Variants in HFM1 observed in about 807,000 individuals in gnomAD.
The protein encoded by HFM1 is probable ATP-dependent DNA helicase HFM1.
A neutral mutation model predicts 192.1 loss-of-function variants in HFM1; 169 were observed. That is an observed-to-expected ratio of 0.88 (90% CI 0.78 to 1.00). The LOEUF (loss-of-function observed/expected upper bound fraction) is 1.00, where lower values mean the gene tolerates loss of function less well. Ranked by LOEUF, HFM1 falls within the 50% of genes least tolerant of loss-of-function variation. The pLI, the probability that HFM1 is intolerant of heterozygous loss-of-function variation, is 0.00. For missense variants in HFM1, 1,661 were observed against 1,668.0 expected, an observed-to-expected ratio of 1.00 and a Z score of 0.07; for synonymous variants, 525 against 537.8, an observed-to-expected ratio of 0.98 and a Z score of 0.33.
intron 30 of HFM1, among the ~76,000 whole-genome samples, chr1:91,298,208 T>C (rs1392770677): frequency 2.0e-5 from 3 of 151,924 alleles, no homozygotes; most frequent in Non-Finnish European, 4.4e-5. Flanking sequence ...ATCAAATTCA[T>C]GAAATGAAGC....
intron 13 of HFM1, among the ~76,000 whole-genome samples, chr1:91,363,138 C>T (rs779683572): frequency 5.3e-5 from 8 of 152,080 alleles, no homozygotes; most frequent in Non-Finnish European, 1.0e-4. Flanking sequence ...ATGAAGAAAA[C>T]ACCAAAAGCA....
chr1:91,380,599 G>T (rs1178255714), intron 7 of HFM1, among the ~76,000 whole-genome samples: 1 of 152,032 alleles, frequency 6.6e-6, no homozygotes, highest in East Asian at 1.9e-4. Context: ...ACTACAAATA[G>T]AAAACTTAGC....
intron 20 of HFM1, among the ~76,000 whole-genome samples, chr1:91,325,156 C>G (rs1652700951): frequency 6.6e-6 from 1 of 152,202 alleles, no homozygotes. Context: ...GCAGCATTCA[C>G]TATAAGCTGA....
chr1:91,296,331 A>T (rs1424050007), intron 30 of HFM1, among the ~76,000 whole-genome samples: 3 of 152,184 alleles, frequency 2.0e-5, no homozygotes, highest in Non-Finnish European at 1.5e-5. Context: ...CAATGACTGT[A>T]TTATTTGTAG....
chr1:91,299,403 G>A (rs1018958859), intron 30 of HFM1, among the ~76,000 whole-genome samples: 2 of 152,120 alleles, frequency 1.3e-5, no homozygotes, highest in African/African-American at 4.8e-5. Flanking sequence ...AGGATATCCA[G>A]GAACTGAACT....
intron 13 of HFM1, among the ~76,000 whole-genome samples, chr1:91,365,892 A>C (rs1330049822): frequency 6.6e-6 from 1 of 151,710 alleles, no homozygotes; most frequent in African/African-American, 2.4e-5. Context: ...GTTAAGTAAT[A>C]TGTCCAATAG....
chr1:91,351,618 A>AT lies in HFM1; in HGVS notation c.2002dup (p.Ile668AsnfsTer18). ...GTCCCTTGTGCTTAATCGAGTCATG[A>AT]TAACTGCAGTAGCTGTAGTGTCAAA... On this transcript the variant is annotated frameshift_variant, in exon 17 of 39. Transcript: ENST00000370425. LOFTEE classifies it high-confidence loss of function. 1 of 1,600,380 alleles carries AT rather than the reference A, an allele frequency of 6.2e-7. No homozygotes were observed. Among genetic ancestry groups the AT allele is most frequent in the Non-Finnish European group, 8.5e-7 (1 of 1,171,394 alleles).
chr1:91,346,582 T>A (rs1226701571), intron 19 of HFM1, among the ~76,000 whole-genome samples: 1 of 152,254 alleles, frequency 6.6e-6, no homozygotes, highest in African/African-American at 2.4e-5. Flanking sequence ...ATTGGCTAAA[T>A]ATTTTTAGAG....
intron 20 of HFM1, among the ~76,000 whole-genome samples, chr1:91,327,745 A>C (rs1402160301): frequency 1.3e-5 from 2 of 152,250 alleles, no homozygotes; most frequent in African/African-American, 4.8e-5. Flanking sequence ...ACAGGTCTTA[A>C]AACAGTTTTA....
chr1:91,315,737 TA>T (rs1415395145), intron 28 of HFM1, 77 bp downstream of exon 28: 7 of 1,038,560 alleles, frequency 6.7e-6, no homozygotes, highest in African/African-American at 6.4e-5. Flanking sequence ...ATGATCTTGT[TA>T]TTTTTTTTTC....
Position 91,385,646 on chromosome 1 carries a change from G to A in HFM1, c.683C>T (p.Ala228Val), listed in dbSNP as rs771602063. ...NVFTANNAFSASEIGEGMFKA... is the reference protein window; with the variant it reads ...NVFTANNAFSVSEIGEGMFKA... Reference sequence around the variant, plus strand: ...GAACATGCCTTCTCCGATTTCAGAAGCAGAAAAAGCATTATTTGCTGTAAA... The same window carrying A: ...GAACATGCCTTCTCCGATTTCAGAAACAGAAAAAGCATTATTTGCTGTAAA... Residue 228 changes from alanine (A) to valine (V), a missense_variant, in exon 5 of 39, where the codon GCT becomes GTT. Physicochemically the swap from Ala to Val is moderately conservative, Grantham distance 64. Coordinates refer to ENST00000370425, the MANE Select transcript of HFM1 (RefSeq NM_001017975.6). 1 of 1,612,214 alleles carries A rather than the reference G, an allele frequency of 6.2e-7. No homozygotes were observed. Among genetic ancestry groups the A allele is most frequent in the Admixed American group, 1.7e-5 (1 of 59,998 alleles).
intron 13 of HFM1, among the ~76,000 whole-genome samples, chr1:91,362,142 G>T (rs1658597465): frequency 6.6e-6 from 1 of 152,122 alleles, no homozygotes; most frequent in East Asian, 1.9e-4. Flanking sequence ...ACAAGAAAAG[G>T]ATCCCTTCTC....
chr1:91,399,131 G>T (rs1461782392), intron 2 of HFM1, among the ~76,000 whole-genome samples: 1 of 152,108 alleles, frequency 6.6e-6, no homozygotes, highest in Non-Finnish European at 1.5e-5. Flanking sequence ...CTATGTGCCA[G>T]GTATTGTTCT....
intron 18 of HFM1, among the ~76,000 whole-genome samples, chr1:91,348,623 C>CA (rs558107982): frequency 9.7e-4 from 147 of 151,672 alleles, no homozygotes; most frequent in African/African-American, 3.5e-3. Context: ...TTAGCTATTA[C>CA]AAAAAAAAGC....
At chr1:91,302,019 C>T (rs1386368169) in intron 30 of HFM1, among the ~76,000 whole-genome samples, 6 of 102,086 alleles carry the variant, frequency 5.9e-5, no homozygotes, top group Non-Finnish European at 1.2e-4. Context: ...AAAATTTTTG[C>T]AATCTACTCA....
At chr1:91,369,714 A>G (rs552128066) in intron 13 of HFM1, among the ~76,000 whole-genome samples, 3 of 152,294 alleles carry the variant, frequency 2.0e-5, no homozygotes, top group African/African-American at 7.2e-5. Flanking sequence ...TTCAAAAGCT[A>G]GCAGAAGGCA....
At chr1:91,300,236 A>G (rs950982886) in intron 30 of HFM1, among the ~76,000 whole-genome samples, 1 of 152,236 alleles carries the variant, frequency 6.6e-6, no homozygotes, top group African/African-American at 2.4e-5. Flanking sequence ...TAAACCAGGA[A>G]GAAGCTGAAT....
chr1:91,355,138 G>A (rs1657543547), intron 13 of HFM1, among the ~76,000 whole-genome samples: 1 of 152,118 alleles, frequency 6.6e-6, no homozygotes, highest in Non-Finnish European at 1.5e-5. Flanking sequence ...CTGAAGTTCA[G>A]TTTAAAATAG....
intron 13 of HFM1, among the ~76,000 whole-genome samples, chr1:91,361,479 C>T (rs931062504): frequency 6.6e-6 from 1 of 152,056 alleles, no homozygotes; most frequent in Non-Finnish European, 1.5e-5. Flanking sequence ...CCTGGACACA[C>T]ACTCTCTTCC....
Sources: allele counts gnomAD v4.1 joint callset (sites outside exome capture counted in the v4.1 genomes callset), GRCh38; gene constraint gnomAD v4.1.1; transcripts MANE v1.5; gene names NCBI Gene and HGNC (gene_info 2026-07-23, HGNC 2026-07-21).